PPP1R13L: variants seen among roughly 807,000 people sequenced by gnomAD.
PPP1R13L encodes protein phosphatase 1 regulatory subunit 13 like.
PPP1R13L carries 50 observed loss-of-function variants against 80.9 expected under a neutral mutation model. That is an observed-to-expected ratio of 0.62 (90% CI 0.49 to 0.78). The LOEUF is 0.78. Among genes scored for constraint, PPP1R13L ranks in the 30% least tolerant of loss-of-function variants. The probability of loss-of-function intolerance (pLI) is 0.00; values close to 1 mark genes in which losing one functional copy is unlikely to be tolerated. For synonymous variants in PPP1R13L, 602 were observed against 534.3 expected, an observed-to-expected ratio of 1.13 and a Z score of -1.75; for missense variants, 1,200 against 1,205.9, an observed-to-expected ratio of 1.00 and a Z score of 0.07.
intron 11 of PPP1R13L, among the ~76,000 whole-genome samples, chr19:45,383,017 CAG>C (rs1196509876): frequency 1.8e-5 from 1 of 54,788 alleles, no homozygotes; most frequent in Non-Finnish European, 3.5e-5. Context: ...TTTTTTGAGA[CAG>C]AGTCTCGCTC....
chr19:45,395,623 G>C lies in PPP1R13L; in HGVS notation c.1167C>G (p.Arg389=). The part of the protein sequence containing the change: ...QNAFWEHGAS[R]AMLPGSPLFT... ...AGAGGGGGGACCCAGGGAGCATGGC[G>C]CGGCTGGCCCCGTGCTCCCAGAAGG... Residue 389 remains arginine (R), a synonymous_variant, in exon 7 of 13, where the codon CGC becomes CGG. Transcript: ENST00000360957. 6.8e-7 allele frequency: 1 copy of C among 1,477,314 alleles called. No homozygotes were observed. Among genetic ancestry groups the C allele is most frequent in the Non-Finnish European group, 8.9e-7 (1 of 1,118,516 alleles). 91.5% of individuals were successfully genotyped at this position (1,477,314 alleles called of 1,614,324 possible). A position where few individuals can be genotyped will look rare whatever the true frequency, so the allele number is the denominator to read the frequency against.
chr19:45,388,787 G>T (rs1418758434), intron 8 of PPP1R13L, among the ~76,000 whole-genome samples: 1 of 151,568 alleles, frequency 6.6e-6, no homozygotes, highest in Non-Finnish European at 1.5e-5. Flanking sequence ...GCCCAGGCTG[G>T]AGTGCAGTGG....
At position 45,386,030 on chromosome 19, in the gene PPP1R13L, C is replaced by T; in HGVS notation, c.1947+19G>A. On this transcript the variant is annotated intron_variant, in intron 9 of 12. Coordinates refer to ENST00000360957, the MANE Select transcript of PPP1R13L (RefSeq NM_006663.4). ...TGCGATGCCCCCGCCGTGCCCACCT[C>T]CCGCTCAGCAGCGCTCACCTCCTTC... 6.3e-7 allele frequency: 1 copy of T among 1,590,382 alleles called. No individual in the cohort carries two copies. The highest frequency in any genetic ancestry group is 8.5e-7 in the Non-Finnish European group (1 of 1,171,040).
upstream of PPP1R13L, among the ~76,000 whole-genome samples, chr19:45,405,832 C>G (rs35106329): frequency 8.5e-5 from 13 of 152,324 alleles, no homozygotes; most frequent in East Asian, 2.3e-3. Flanking sequence ...CGCCGCCCAA[C>G]GCGGGGCGGC....
In PPP1R13L at chr19:45,398,343, CAT is replaced by C; in HGVS notation, c.-21-6_-21-5del. ...TGGTGCCGGCCGGAGCGGGCGCCTG[CAT>C]GGTGGGGAGGGAGGGAGCTGGCTAA... is the stretch of plus-strand genomic sequence containing the variant. On this transcript the variant is annotated splice_polypyrimidine_tract_variant and splice_region_variant and intron_variant, in intron 1 of 12. Transcript: ENST00000360957. The C allele has an allele frequency of 1.2e-6, 2 of 1,612,612 alleles. No individual in the cohort carries two copies. The highest frequency in any genetic ancestry group is 1.7e-6 in the Non-Finnish European group (2 of 1,179,772).
intron 7 of PPP1R13L, chr19:45,392,677 T>C (rs576963502): frequency 2.7e-4 from 112 of 411,388 alleles, no homozygotes; most frequent in Non-Finnish European, 4.7e-4. Context: ...AGCCATGCAG[T>C]TGGGACTTGA....
chr19:45,398,014 G>T lies in PPP1R13L; in HGVS notation c.189C>A (p.Pro63=). The part of the protein sequence containing the change: ...SPAPPGPQAG[P]PSRPPRYSSS... ...TGGGAACCAGGCTTACCCTAGAAGGGGGTCCGGCCTGCGGGCCAGGAGGCG... is the reference window on the plus strand; with the variant it reads ...TGGGAACCAGGCTTACCCTAGAAGGTGGTCCGGCCTGCGGGCCAGGAGGCG... The change falls in exon 3 of 13, where the codon CCC becomes CCA. Residue 63 remains proline, a synonymous_variant. Coordinates refer to ENST00000360957, the MANE Select transcript of PPP1R13L (RefSeq NM_006663.4). 1 of 1,611,564 alleles carries T rather than the reference G, an allele frequency of 6.2e-7. No individual in the cohort carries two copies. Among genetic ancestry groups the T allele is most frequent in the Non-Finnish European group, 8.5e-7 (1 of 1,178,218 alleles).
Position 45,395,630 on chromosome 19 carries a change from G to T in PPP1R13L, c.1160C>A (p.Ala387Asp). Residue 387 changes from alanine to aspartate, a missense_variant, in exon 7 of 13, where the codon GCC (alanine) becomes GAC (aspartate). By Grantham distance (126) the Ala-to-Asp change is moderately radical. Transcript: ENST00000360957. ...GGACCCAGGGAGCATGGCGCGGCTGGCCCCGTGCTCCCAGAAGGCGTTCTG... is the reference window on the plus strand; with the variant it reads ...GGACCCAGGGAGCATGGCGCGGCTGTCCCCGTGCTCCCAGAAGGCGTTCTG... ...KLQNAFWEHG[A>D]SRAMLPGSPL... The T allele has an allele frequency of 6.9e-7, 1 of 1,456,758 alleles. No homozygotes were observed. The highest frequency in any genetic ancestry group is 9.0e-7 in the Non-Finnish European group (1 of 1,107,846). 90.2% of individuals were successfully genotyped at this position (1,456,758 alleles called of 1,614,324 possible). A position where few individuals can be genotyped will look rare whatever the true frequency, so the allele number is the denominator to read the frequency against.
At chr19:45,397,603 A>T (rs1245507458) in intron 3 of PPP1R13L, among the ~76,000 whole-genome samples, 3 of 151,018 alleles carry the variant, frequency 2.0e-5, no homozygotes, top group Non-Finnish European at 4.4e-5. Flanking sequence ...GATTACAGGT[A>T]TGCACCACCA....
In PPP1R13L at chr19:45,396,121, C is replaced by T. The variant is rs779724328; in HGVS notation, c.903+47G>A. The T allele has an allele frequency of 2.6e-6, 4 of 1,547,784 alleles. No homozygotes were observed. In the African/African-American group the frequency reaches 4.1e-5, roughly 16 times the overall value. On this transcript the variant is annotated intron_variant, in intron 6 of 12. Coordinates refer to ENST00000360957, the MANE Select transcript of PPP1R13L (RefSeq NM_006663.4). This position sits in a 1 kb window ranked among gnomAD's most constrained non-coding sequence, Gnocchi z 5.3. ...GCCTTGACCCCGCTCCCCCACCCCA[C>T]TCCTCGACCTTCCCCAGCCTCTCCT...
intron 8 of PPP1R13L, among the ~76,000 whole-genome samples, chr19:45,391,401 G>A (rs546749579): frequency 1.3e-5 from 2 of 152,214 alleles, no homozygotes; most frequent in Non-Finnish European, 2.9e-5. Context: ...ACAGGCACAG[G>A]TTATTGGAGA....
At chr19:45,382,161 G>A (rs1221632406) in intron 12 of PPP1R13L, among the ~76,000 whole-genome samples, 2 of 152,054 alleles carry the variant, frequency 1.3e-5, no homozygotes, top group African/African-American at 2.4e-5. Context: ...CGGGTGGGGG[G>A]GGCCCGAGGT....
chr19:45,396,199 C>CA lies in PPP1R13L; in HGVS notation c.871_872insT (p.Ser291MetfsTer16). The CA allele has an allele frequency of 6.2e-7, 1 of 1,611,416 alleles. No homozygotes were observed. The highest frequency in any genetic ancestry group is 2.2e-5 in the East Asian group (1 of 44,844). ...GGTGCCCCCCAGTCCATCCAGGCTGCTCTCCCTCCAAGGCAACAGCTGCAG... is the reference window on the plus strand; with the variant it reads ...GGTGCCCCCCAGTCCATCCAGGCTGCATCTCCCTCCAAGGCAACAGCTGCAG... On this transcript the variant is annotated frameshift_variant, in exon 6 of 13. Transcript: ENST00000360957. LOFTEE classifies it high-confidence loss of function. This position sits in a 1 kb window ranked among gnomAD's most constrained non-coding sequence, Gnocchi z 5.3.
In PPP1R13L at chr19:45,404,994, C is replaced by T; in HGVS notation, c.-22+5G>A. On this transcript the variant is annotated splice_donor_5th_base_variant and intron_variant, in intron 1 of 12. Coordinates refer to ENST00000360957, the MANE Select transcript of PPP1R13L (RefSeq NM_006663.4). ...GCCTCTGGTCCCCAGGAGGGTGAAA[C>T]TCACGGATCCGGGCAGATCCTGGCA... The T allele has an allele frequency of 8.1e-6, 8 of 985,884 alleles. No homozygotes were observed. Among genetic ancestry groups the T allele is most frequent in the Non-Finnish European group, 9.6e-6 (8 of 829,952 alleles). The allele number at this position is 985,884 out of a possible 1,614,324, so 61.1% of individuals were successfully genotyped here. A position where few individuals can be genotyped will look rare whatever the true frequency, so the allele number is the denominator to read the frequency against.
intron 7 of PPP1R13L, 159 bp downstream of exon 7, chr19:45,395,277 T>A (rs1973058354): frequency 1.0e-6 from 1 of 990,898 alleles, no homozygotes; most frequent in South Asian, 1.4e-5. Flanking sequence ...CCCTGGCTCC[T>A]ACCCAAATTC....
At chr19:45,397,463 T>G (rs550246755) in intron 3 of PPP1R13L, among the ~76,000 whole-genome samples, 1 of 114,408 alleles carries the variant, frequency 8.7e-6, no homozygotes, top group African/African-American at 4.1e-5. Flanking sequence ...TTGCTTGCTT[T>G]CTCTCTCTCT....
At chr19:45,383,338 C>T (rs371649724) in intron 11 of PPP1R13L, among the ~76,000 whole-genome samples, 2 of 106,894 alleles carry the variant, frequency 1.9e-5, no homozygotes, top group African/African-American at 3.7e-5. Flanking sequence ...TCGCTCTTGT[C>T]GCCCAGGCAG....
intron 1 of PPP1R13L, among the ~76,000 whole-genome samples, chr19:45,402,511 G>A (rs187054509): frequency 6.6e-6 from 1 of 152,366 alleles, no homozygotes; most frequent in Admixed American, 6.5e-5. Flanking sequence ...GGGCGGTCAC[G>A]CCCGGACCCC....
chr19:45,382,409 A>G, intron 12 of PPP1R13L, 118 bp downstream of exon 12: 3 of 1,196,496 alleles, frequency 2.5e-6, no homozygotes, highest in Non-Finnish European at 3.6e-6. Context: ...AGCTTTTCAG[A>G]CCTCCCTCTC....
Sources: gnomAD v4.1 joint callset for allele counts (sites outside exome capture counted in the v4.1 genomes callset) on GRCh38, gnomAD v4.1.1 for gene constraint, Gnocchi (gnomAD v3.1) non-coding constraint, MANE v1.5 for transcripts, NCBI Gene and HGNC (gene_info 2026-07-23, HGNC 2026-07-21) for gene names.